Variants in STX8 observed in about 807,000 individuals in gnomAD.
STX8 encodes syntaxin-8.
A neutral mutation model predicts 37.5 loss-of-function variants in STX8; 23 were observed. That is an observed-to-expected ratio of 0.61 (90% CI 0.44 to 0.87). The LOEUF (loss-of-function observed/expected upper bound fraction) is 0.87. Ranked by LOEUF, STX8 falls within the 40% of genes least tolerant of loss-of-function variation. The probability of loss-of-function intolerance (pLI) is 0.00; values close to 1 mark genes in which losing one functional copy is unlikely to be tolerated. For missense variants in STX8, 313 were observed against 284.7 expected, an observed-to-expected ratio of 1.10 and a Z score of -0.71; for synonymous variants, 115 against 99.1, an observed-to-expected ratio of 1.16 and a Z score of -0.95.
chr17:9,438,454 A>T (rs1340242156), intron 6 of STX8, among the ~76,000 whole-genome samples: 2 of 151,994 alleles, frequency 1.3e-5, no homozygotes, highest in African/African-American at 2.4e-5. Context: ...TCTGTCTTTT[A>T]ACAAGATCCC....
At chr17:9,392,208 C>T (rs150394293) in intron 6 of STX8, among the ~76,000 whole-genome samples, 82 of 152,294 alleles carry the variant, frequency 5.4e-4, no homozygotes, top group African/African-American at 1.3e-3. Context: ...CAGGATACAA[C>T]GCAAAATTTT....
At chr17:9,326,848 C>T (rs1450979866) in intron 7 of STX8, among the ~76,000 whole-genome samples, 1 of 152,184 alleles carries the variant, frequency 6.6e-6, no homozygotes, top group Non-Finnish European at 1.5e-5. Flanking sequence ...TTTTACTTGA[C>T]ACAGGAGCCT....
intron 7 of STX8, among the ~76,000 whole-genome samples, chr17:9,334,312 G>A (rs978663032): frequency 2.0e-5 from 3 of 152,150 alleles, no homozygotes; most frequent in African/African-American, 7.2e-5. Flanking sequence ...GACTCCTAAA[G>A]CATAACTTAT....
Position 9,480,895 on chromosome 17 carries a change from T to TTTCTTTCTTTCTTTCTTTC in STX8, c.541+10933_541+10934insGAAAGAAAGAAAGAAAGAA, listed in dbSNP as rs534475818. Among the ~76,000 whole-genome samples, 852 of 151,130 alleles carry TTTCTTTCTTTCTTTCTTTC rather than the reference T, an allele frequency of 5.6e-3. 10 individuals are homozygous for TTTCTTTCTTTCTTTCTTTC. The highest frequency in any genetic ancestry group is 0.019 in the African/African-American group (781 of 40,638). ...GCCAATTTCTTTCTTTCTTTCTTTC[T>TTTCTTTCTTTCTTTCTTTC]TTTTTTTGAGGTGGAGCCTTGCTCT... On this transcript the variant is annotated intron_variant, in intron 6 of 7. Coordinates refer to ENST00000306357, the MANE Select transcript of STX8 (RefSeq NM_004853.3).
At chr17:9,405,384 G>A (rs939134007) in intron 6 of STX8, among the ~76,000 whole-genome samples, 1 of 152,146 alleles carries the variant, frequency 6.6e-6, no homozygotes, top group Non-Finnish European at 1.5e-5. Flanking sequence ...AGTATCAAAA[G>A]AACTTTAAAA....
intron 4 of STX8, among the ~76,000 whole-genome samples, chr17:9,518,498 G>A (rs565885359): frequency 6.6e-6 from 1 of 152,102 alleles, no homozygotes; most frequent in Admixed American, 6.6e-5. Context: ...TTGGGAATTC[G>A]ACTTAGATCT....
At chr17:9,255,078 C>A (rs1175444272) in intron 7 of STX8, among the ~76,000 whole-genome samples, 1 of 152,142 alleles carries the variant, frequency 6.6e-6, no homozygotes, top group African/African-American at 2.4e-5. Flanking sequence ...GCTGCAGAGA[C>A]CTTTCATAGT....
rs547816866 is a variant in STX8, at chr17:9,380,256, T to G, written c.542-1603A>C. On this transcript the variant is annotated intron_variant, in intron 6 of 7. Transcript: ENST00000306357. ...CTGTGTTGTTTGAATTTCTGTGTGT[T>G]TTTTTTTTTTTTTTTTTTTTGAGAG... 8.4e-4 allele frequency among the ~76,000 whole-genome samples: 75 copies of G among 89,116 alleles called. No individual in the cohort carries two copies. The South Asian group carries it at 0.011, about 13-fold the overall frequency. The allele number at this position is 89,116 out of a possible 152,430, so 58.5% of individuals were successfully genotyped here. A position where few individuals can be genotyped will look rare whatever the true frequency, so the allele number is the denominator to read the frequency against.
At chr17:9,444,636 C>T (rs1052747703) in intron 6 of STX8, among the ~76,000 whole-genome samples, 2 of 152,182 alleles carry the variant, frequency 1.3e-5, no homozygotes, top group African/African-American at 4.8e-5. Flanking sequence ...ATGGTGCATC[C>T]ATGAGCACAT....
chr17:9,513,419 T>C (rs1027207264), intron 4 of STX8, among the ~76,000 whole-genome samples: 4 of 150,214 alleles, frequency 2.7e-5, no homozygotes, highest in African/African-American at 9.8e-5. Flanking sequence ...AACAAATATA[T>C]ACAAATTGCT....
intron 7 of STX8, among the ~76,000 whole-genome samples, chr17:9,349,953 C>T (rs1445782969): frequency 6.6e-6 from 1 of 152,038 alleles, no homozygotes; most frequent in Non-Finnish European, 1.5e-5. Flanking sequence ...ACCAGACTGG[C>T]CCTCAAACTC....
intron 6 of STX8, among the ~76,000 whole-genome samples, chr17:9,433,589 T>C (rs1477770385): frequency 1.3e-5 from 2 of 152,110 alleles, no homozygotes; most frequent in African/African-American, 2.4e-5. Flanking sequence ...ACTCATCATG[T>C]TGTAGGCATT....
At chr17:9,464,303 G>T (rs1875352073) in intron 6 of STX8, among the ~76,000 whole-genome samples, 1 of 152,158 alleles carries the variant, frequency 6.6e-6, no homozygotes, top group African/African-American at 2.4e-5. Flanking sequence ...CTGCAATTGT[G>T]ATCTTTCAAT....
intron 7 of STX8, among the ~76,000 whole-genome samples, chr17:9,319,486 G>A (rs1445167622): frequency 1.3e-5 from 2 of 151,972 alleles, no homozygotes; most frequent in Non-Finnish European, 2.9e-5. Context: ...ATCGATACCT[G>A]GAAAATTTAA....
intron 4 of STX8, among the ~76,000 whole-genome samples, chr17:9,536,499 C>A (rs1401223295): frequency 2.0e-5 from 3 of 152,190 alleles, no homozygotes; most frequent in Non-Finnish European, 4.4e-5. Flanking sequence ...CTATACTAGT[C>A]TAGAGAGCTA....
At chr17:9,364,816 G>A (rs1158674375) in intron 7 of STX8, among the ~76,000 whole-genome samples, 1 of 152,148 alleles carries the variant, frequency 6.6e-6, no homozygotes, top group African/African-American at 2.4e-5. Context: ...TTACAGGCAT[G>A]AGCTACCGCG....
chr17:9,384,714 T>C (rs1911929548), intron 6 of STX8, among the ~76,000 whole-genome samples: 1 of 152,012 alleles, frequency 6.6e-6, no homozygotes, highest in African/African-American at 2.4e-5. Flanking sequence ...CAATTTATTA[T>C]AAATATATAC....
intron 7 of STX8, among the ~76,000 whole-genome samples, chr17:9,347,234 T>C (rs1194077855): frequency 1.3e-5 from 2 of 152,102 alleles, no homozygotes; most frequent in Non-Finnish European, 2.9e-5. Flanking sequence ...TAATAACCCA[T>C]TGCCACTCTA....
At chr17:9,416,256 C>G (rs1477965842) in intron 6 of STX8, among the ~76,000 whole-genome samples, 3 of 152,204 alleles carry the variant, frequency 2.0e-5, no homozygotes, top group Non-Finnish European at 1.5e-5. Flanking sequence ...ATGATGACAT[C>G]GAGAGAAATG....
Sources: allele counts gnomAD v4.1 joint callset (sites outside exome capture counted in the v4.1 genomes callset), GRCh38; gene constraint gnomAD v4.1.1; transcripts MANE v1.5; gene names NCBI Gene and HGNC (gene_info 2026-07-23, HGNC 2026-07-21).